The following RANBP2 variants were observed in gnomAD, a reference collection of about 807,000 sequenced individuals.
RANBP2 encodes E3 SUMO-protein ligase RanBP2.
In RANBP2, 57 loss-of-function variants were observed where a neutral mutation model predicts 303.6. That is an observed-to-expected ratio of 0.19 (90% CI 0.15 to 0.23). The LOEUF (loss-of-function observed/expected upper bound fraction) is 0.23, where lower values mean the gene tolerates loss of function less well. Among genes scored for constraint, RANBP2 ranks in the 10% least tolerant of loss-of-function variants. The pLI is 1.00. For synonymous variants in RANBP2, 1,167 were observed against 1,301.5 expected (o/e 0.90, Z 2.23); for missense variants, 3,138 against 3,780.8 (o/e 0.83, Z 4.46).
the RANBP2 span, chr2:109,617,709 C>T: frequency 1.2e-5 from 2 of 166,840 alleles, no homozygotes; most frequent in Admixed American, 1.3e-4. Context: ...TCTAGATGGT[C>T]ATTGAATTTG....
the RANBP2 span, among the ~76,000 whole-genome samples, chr2:109,430,213 G>A: frequency 3.5e-4 from 54 of 152,340 alleles, no homozygotes; most frequent in African/African-American, 1.3e-3. Flanking sequence ...GAGCCAACCC[G>A]GCTGCGCATT....
chr2:108,736,556 ATATTT>A (rs1245229742), intron 6 of RANBP2, among the ~76,000 whole-genome samples: 1 of 152,206 alleles, frequency 6.6e-6, no homozygotes, highest in Non-Finnish European at 1.5e-5. Flanking sequence ...CTGCTATTTC[ATATTT>A]TATTTTTTAA....
chr2:108,789,115 G>A, downstream of RANBP2: 1 of 616,132 alleles, frequency 1.6e-6, no homozygotes, highest in Non-Finnish European at 2.7e-6. Flanking sequence ...AATAGTTGAA[G>A]CGAGTCACTT....
chr2:108,760,439 T>C (rs13421361), intron 18 of RANBP2, among the ~76,000 whole-genome samples: 345 of 152,328 alleles, frequency 2.3e-3, no homozygotes, highest in African/African-American at 7.7e-3. Context: ...CTGTAAATTC[T>C]GTTCCTTTAT....
chr2:109,301,067 C>A, the RANBP2 span, among the ~76,000 whole-genome samples: 1 of 152,132 alleles, frequency 6.6e-6, no homozygotes, highest in South Asian at 2.1e-4. Flanking sequence ...TATGAAGTGC[C>A]CAGTACAGTA....
At chr2:108,758,079 T>C (rs1203100132) in intron 17 of RANBP2, among the ~76,000 whole-genome samples, 4 of 152,184 alleles carry the variant, frequency 2.6e-5, no homozygotes, top group Non-Finnish European at 5.9e-5. Context: ...GGTGGGTCAC[T>C]TGAGGTCAGG....
At chr2:108,832,344 C>CT in the RANBP2 span, among the ~76,000 whole-genome samples, 6,392 of 122,182 alleles carry the variant, frequency 0.052, 246 homozygotes, top group South Asian at 0.1. Flanking sequence ...GTATTTCTTT[C>CT]TTTTTTTTTT....
the RANBP2 span, among the ~76,000 whole-genome samples, chr2:109,386,523 C>T: frequency 2.0e-4 from 30 of 152,300 alleles, no homozygotes; most frequent in African/African-American, 6.5e-4. Flanking sequence ...CAAAAACCAG[C>T]GTTAGCTGGA....
At chr2:109,585,721 C>A in the RANBP2 span, 4 of 1,604,694 alleles carry the variant, frequency 2.5e-6, no homozygotes, top group East Asian at 6.7e-5. Flanking sequence ...TGGCACGTAC[C>A]CACACAGAGA....
the RANBP2 span, among the ~76,000 whole-genome samples, chr2:108,965,232 C>T: frequency 5.3e-5 from 8 of 152,118 alleles, no homozygotes; most frequent in African/African-American, 9.7e-5. Context: ...AATCCCAGCA[C>T]TTTGGGAGGC....
chr2:109,008,364 T>C, the RANBP2 span, among the ~76,000 whole-genome samples: 1 of 152,114 alleles, frequency 6.6e-6, no homozygotes, highest in Non-Finnish European at 1.5e-5. Flanking sequence ...GGTAAGGAGA[T>C]ACCATAGATG....
At chr2:109,011,132 T>C in the RANBP2 span, among the ~76,000 whole-genome samples, 1 of 152,094 alleles carries the variant, frequency 6.6e-6, no homozygotes, top group Non-Finnish European at 1.5e-5. Context: ...CTCAGATGAG[T>C]TCTTTTGCCT....
At chr2:109,644,708 T>C in the RANBP2 span, among the ~76,000 whole-genome samples, 1 of 152,208 alleles carries the variant, frequency 6.6e-6, no homozygotes, top group Non-Finnish European at 1.5e-5. Context: ...ACAGCAAGGC[T>C]GCCTGGATGA....
chr2:109,036,642 G>A, the RANBP2 span, among the ~76,000 whole-genome samples: 6 of 152,076 alleles, frequency 3.9e-5, no homozygotes, highest in South Asian at 4.1e-4. Context: ...GCCCATTCAC[G>A]GTAAAAAGTC....
chr2:108,938,658 A>G, the RANBP2 span, among the ~76,000 whole-genome samples: 8 of 149,194 alleles, frequency 5.4e-5, no homozygotes, highest in Admixed American at 4.0e-4. Flanking sequence ...AGAAGTTTTG[A>G]AAAAAAAAAT....
At chr2:109,340,820 C>G in the RANBP2 span, among the ~76,000 whole-genome samples, 1 of 152,158 alleles carries the variant, frequency 6.6e-6, no homozygotes, top group Non-Finnish European at 1.5e-5. Context: ...AAGGTGCATT[C>G]TAAGGCCACC....
chr2:109,313,603 G>C, the RANBP2 span: 1 of 154,982 alleles, frequency 6.5e-6, no homozygotes, highest in Non-Finnish European at 1.5e-5. Flanking sequence ...CTAGCCTTGA[G>C]TAGGGGCCCC....
the RANBP2 span, among the ~76,000 whole-genome samples, chr2:108,815,244 T>C: frequency 6.6e-6 from 1 of 151,848 alleles, no homozygotes; most frequent in Non-Finnish European, 1.5e-5. Flanking sequence ...AAACCATTAA[T>C]TTTTTTTAGA....
At chr2:108,803,162 TA>T in the RANBP2 span, among the ~76,000 whole-genome samples, 1 of 152,186 alleles carries the variant, frequency 6.6e-6, no homozygotes, top group Non-Finnish European at 1.5e-5. Context: ...AGCCAAGACT[TA>T]GGTAATAGTT....
Sources: allele counts gnomAD v4.1 joint callset (sites outside exome capture counted in the v4.1 genomes callset), GRCh38; gene constraint gnomAD v4.1.1; transcripts MANE v1.5; gene names NCBI Gene and HGNC (gene_info 2026-07-23, HGNC 2026-07-21).